The following MEI1 variants were observed in gnomAD, a reference collection of about 807,000 sequenced individuals.
MEI1 encodes the protein meiosis inhibitor protein 1.
Under a neutral mutation model 146.2 loss-of-function variants are expected in MEI1, and 103 were observed. That is an observed-to-expected ratio of 0.70 (90% CI 0.60 to 0.83). The LOEUF is 0.83. MEI1 is among the 40% of genes least tolerant of loss of function. MEI1 has a pLI of 0.00. For synonymous variants in MEI1, 652 were observed against 628.2 expected (o/e 1.04, Z -0.57); for missense variants, 1,529 against 1,533.0 (o/e 1.00, Z 0.04).
chr22:41,778,649 C>T (rs2075595060), intron 21 of MEI1, 59 bp from the exon 22 acceptor site: 5 of 1,371,044 alleles, frequency 3.6e-6, no homozygotes, highest in Non-Finnish European at 5.1e-6. Context: ...GGCAGGGTGT[C>T]TGACCTTCAG....
chr22:41,713,971 C>T lies in MEI1; in HGVS notation c.350-31C>T, dbSNP rs1175809200. 4 of 1,558,428 alleles carry T rather than the reference C, an allele frequency of 2.6e-6. No homozygotes were observed. In the East Asian group the frequency reaches 7.2e-5, roughly 28 times the overall value. ...GGTGGACTCTGGGTTGGGGGTGCCT[C>T]CTGGTTAGTAATACTGTTGTGTCTG... On this transcript the variant is annotated intron_variant, in intron 3 of 30. Transcript: ENST00000401548.
intron 21 of MEI1, among the ~76,000 whole-genome samples, chr22:41,777,526 T>C (rs958525576): frequency 6.6e-6 from 1 of 152,092 alleles, no homozygotes; most frequent in African/African-American, 2.4e-5. Context: ...GGTTTGGAAG[T>C]AGATTTAAAG....
intron 15 of MEI1, among the ~76,000 whole-genome samples, chr22:41,749,118 CTG>C (rs374515941): frequency 6.6e-6 from 1 of 152,100 alleles, no homozygotes; most frequent in African/African-American, 2.4e-5. Context: ...TTCTTAATCT[CTG>C]TGCTATATTT....
intron 1 of MEI1, 59 bp downstream of exon 1, chr22:41,699,771 CGGCCA>C: frequency 2.7e-6 from 4 of 1,497,288 alleles, no homozygotes; most frequent in Non-Finnish European, 3.6e-6. Context: ...TCAGCAAACG[CGGCCA>C]GGCCCTTGCC....
intron 11 of MEI1, among the ~76,000 whole-genome samples, chr22:41,733,960 T>C (rs2092275): frequency 0.84 from 126,497 of 151,430 alleles, 53,699 homozygotes; most frequent in African/African-American, 0.96. Flanking sequence ...AACCCTGTCT[T>C]TACTAAAAAT....
In MEI1 at chr22:41,744,183, T is replaced by A. The variant is rs189890356; in HGVS notation, c.1447-790T>A. 2.9e-3 allele frequency among the ~76,000 whole-genome samples: 441 copies of A among 152,030 alleles called. 2 individuals carry two copies. Among genetic ancestry groups the A allele is most frequent in the Non-Finnish European group, 5.0e-3 (337 of 67,970 alleles). ...CTGGGCCCCTGCTACCATTTTTTTT[T>A]ATTCTGAGACGGAGTCTTGCTCTGT... On this transcript the variant is annotated intron_variant, in intron 12 of 30. Transcript: ENST00000401548.
At chr22:41,725,118 A>T (rs1054874152) in intron 7 of MEI1, among the ~76,000 whole-genome samples, 23 of 145,644 alleles carry the variant, frequency 1.6e-4, no homozygotes, top group Admixed American at 8.8e-4. Context: ...GTAAATTATT[A>T]TTATTTTTTT....
intron 24 of MEI1, among the ~76,000 whole-genome samples, chr22:41,783,353 T>C (rs1320430269): frequency 6.6e-6 from 1 of 151,458 alleles, no homozygotes; most frequent in Non-Finnish European, 1.5e-5. Context: ...AGTGCAATGG[T>C]GTGATCTCGG....
At chr22:41,703,075 G>T (rs2068834604) in intron 1 of MEI1, among the ~76,000 whole-genome samples, 1 of 152,148 alleles carries the variant, frequency 6.6e-6, no homozygotes, top group Admixed American at 6.5e-5. Context: ...GGACAAAAAT[G>T]ATTTGTGAAA....
At chr22:41,715,202 A>G (rs1569160773) in intron 4 of MEI1, among the ~76,000 whole-genome samples, 1 of 152,098 alleles carries the variant, frequency 6.6e-6, no homozygotes, top group Admixed American at 6.6e-5. Context: ...ATTCAGCCCT[A>G]TCAACAACCC....
intron 22 of MEI1, among the ~76,000 whole-genome samples, chr22:41,779,463 C>T (rs1455704615): frequency 6.6e-6 from 1 of 152,052 alleles, no homozygotes; most frequent in African/African-American, 2.4e-5. Context: ...CTAAAACAAA[C>T]AAATCTGTAT....
rs2050033 is a variant in MEI1 at position 41,763,225 on chromosome 22, G to T, written c.2172G>T (p.Ser724=). 0.81 allele frequency: 1,306,127 copies of T among 1,613,688 alleles called. 533,883 individuals carry two copies. Among genetic ancestry groups the T allele is most frequent in the African/African-American group, 0.96 (71,865 of 75,046 alleles). ...LFEAVQSFLL[S]LQDQGERPPL... is the part of the protein sequence containing the mutation. ...AGGCTGTGCAAAGCTTCCTCCTGTC[G>T]CTGCAGGACCAGGGCGAGCGCCCCC... is the stretch of plus-strand genomic sequence containing the variant. Residue 724 remains serine (S), a synonymous_variant, in exon 19 of 31, where the codon TCG becomes TCT. Coordinates refer to ENST00000401548, the MANE Select transcript of MEI1 (RefSeq NM_152513.4).
intron 12 of MEI1, among the ~76,000 whole-genome samples, chr22:41,744,039 G>T (rs1046535563): frequency 1.3e-5 from 2 of 151,836 alleles, no homozygotes; most frequent in East Asian, 3.9e-4. Flanking sequence ...ACCACACCTG[G>T]CTAATTTTTG....
chr22:41,773,560 TA>T (rs34960433), intron 20 of MEI1, among the ~76,000 whole-genome samples: 23,867 of 129,606 alleles, frequency 0.18, 2,675 homozygotes, highest in Admixed American at 0.36. Context: ...ACATCAATGG[TA>T]AAAAAAAAAA....
At chr22:41,700,577 C>T (rs559732020) in intron 1 of MEI1, among the ~76,000 whole-genome samples, 1 of 80,956 alleles carries the variant, frequency 1.2e-5, no homozygotes, top group Non-Finnish European at 4.1e-5. Context: ...GTGATCCACC[C>T]GCCTCGGCTT....
chr22:41,717,776 C>T (rs570360928), intron 5 of MEI1, among the ~76,000 whole-genome samples: 13 of 151,752 alleles, frequency 8.6e-5, no homozygotes, highest in South Asian at 8.3e-4. Flanking sequence ...CCAGCATGCC[C>T]GGCTAATTTT....
chr22:41,797,756 A>G (rs1166157686), intron 30 of MEI1, among the ~76,000 whole-genome samples: 2 of 152,188 alleles, frequency 1.3e-5, no homozygotes, highest in East Asian at 3.8e-4. Flanking sequence ...TCTGAAATAC[A>G]AAACACTTCT....
intron 21 of MEI1, 87 bp from the exon 22 acceptor site, chr22:41,778,621 T>G: frequency 1.0e-6 from 1 of 989,602 alleles, no homozygotes; most frequent in Non-Finnish European, 1.5e-6. Context: ...AACCTGTTAT[T>G]AAGGGCCATT....
intron 26 of MEI1, among the ~76,000 whole-genome samples, chr22:41,785,274 A>AT (rs1051237684): frequency 7.2e-6 from 1 of 137,984 alleles, no homozygotes; most frequent in African/African-American, 2.7e-5. Flanking sequence ...TATTTTTATT[A>AT]TTTTTTTAGA....
Sources: gnomAD v4.1 joint callset for allele counts (sites outside exome capture counted in the v4.1 genomes callset) on GRCh38, gnomAD v4.1.1 for gene constraint, MANE v1.5 for transcripts, NCBI Gene and HGNC (gene_info 2026-07-23, HGNC 2026-07-21) for gene names.